Variants in RPS6KC1 observed in about 807,000 individuals in gnomAD.
RPS6KC1 encodes the protein ribosomal protein S6 kinase C1, also known as inactive ribosomal protein S6 kinase delta-1.
A neutral mutation model predicts 103.8 loss-of-function variants in RPS6KC1; 54 were observed. The ratio of observed to expected loss-of-function variants is 0.52; its 90% CI spans 0.42 to 0.65. The LOEUF (loss-of-function observed/expected upper bound fraction) is 0.65. RPS6KC1 is among the 30% of genes least tolerant of loss of function. The pLI is 0.00. For missense variants in RPS6KC1, 1,151 were observed against 1,253.8 expected (o/e 0.92, Z 1.24); for synonymous variants, 439 against 438.7 (o/e 1.00, Z -0.01).
At chr1:213,493,772 T>A in the RPS6KC1 span, among the ~76,000 whole-genome samples, 1 of 152,206 alleles carries the variant, frequency 6.6e-6, no homozygotes, top group African/African-American at 2.4e-5. Flanking sequence ...AGGAGGCACA[T>A]TGTATTTGAA....
At chr1:213,566,780 A>G in the RPS6KC1 span, among the ~76,000 whole-genome samples, 1 of 151,814 alleles carries the variant, frequency 6.6e-6, no homozygotes, top group African/African-American at 2.4e-5. Context: ...CTTTCTCAAT[A>G]TAATTGTCAT....
the RPS6KC1 span, among the ~76,000 whole-genome samples, chr1:213,329,903 G>A: frequency 6.6e-6 from 1 of 152,012 alleles, no homozygotes; most frequent in African/African-American, 2.4e-5. Flanking sequence ...GGAAGGAGCT[G>A]CTCTCTGAGC....
At chr1:213,799,199 A>T in the RPS6KC1 span, among the ~76,000 whole-genome samples, 3 of 152,202 alleles carry the variant, frequency 2.0e-5, no homozygotes, top group Non-Finnish European at 4.4e-5. Context: ...TTTTAAGAAG[A>T]CCTGTGTTCT....
the RPS6KC1 span, among the ~76,000 whole-genome samples, chr1:213,678,164 T>C: frequency 8.5e-5 from 13 of 152,214 alleles, no homozygotes; most frequent in South Asian, 2.1e-4. Context: ...TAATTTGGTG[T>C]TATTAATTGT....
the RPS6KC1 span, among the ~76,000 whole-genome samples, chr1:213,645,133 C>T: frequency 6.6e-6 from 1 of 152,128 alleles, no homozygotes. Context: ...TTTCTTCCCT[C>T]CTTCCTGTCT....
chr1:213,813,108 G>A, the RPS6KC1 span, among the ~76,000 whole-genome samples: 2 of 151,946 alleles, frequency 1.3e-5, no homozygotes, highest in Non-Finnish European at 2.9e-5. Context: ...AAAATTAGCT[G>A]GGTGTGGTGG....
the RPS6KC1 span, among the ~76,000 whole-genome samples, chr1:213,365,821 T>C: frequency 6.6e-6 from 1 of 152,376 alleles, no homozygotes; most frequent in East Asian, 1.9e-4. Context: ...GTGAGCCATA[T>C]GCACTCTGTC....
the RPS6KC1 span, among the ~76,000 whole-genome samples, chr1:213,404,955 G>A: frequency 6.6e-6 from 1 of 152,212 alleles, no homozygotes; most frequent in South Asian, 2.1e-4. Flanking sequence ...ATGGGGTGGG[G>A]ACAGATTGTG....
chr1:213,715,428 G>C, the RPS6KC1 span, among the ~76,000 whole-genome samples: 1 of 152,118 alleles, frequency 6.6e-6, no homozygotes, highest in Non-Finnish European at 1.5e-5. Flanking sequence ...CAGTTGAATG[G>C]GGATATAGTG....
chr1:213,811,686 G>T, the RPS6KC1 span, among the ~76,000 whole-genome samples: 1 of 152,188 alleles, frequency 6.6e-6, no homozygotes, highest in South Asian at 2.1e-4. Context: ...CTGGAGACAG[G>T]AAAGTTCCCT....
chr1:213,662,173 G>A, the RPS6KC1 span, among the ~76,000 whole-genome samples: 273 of 152,194 alleles, frequency 1.8e-3, 3 homozygotes, highest in African/African-American at 6.5e-3. Context: ...TGTGAGGAGG[G>A]TAAGGGATAA....
rs2079482452 is a variant in RPS6KC1, at chr1:213,077,794, A to G, written c.240A>G (p.Pro80=). The G allele has an allele frequency of 1.3e-6, 2 of 1,560,628 alleles. No individual in the cohort carries two copies. The highest frequency in any genetic ancestry group is 1.7e-6 in the Non-Finnish European group (2 of 1,148,296). ...NLFRHSELFP[P]FAKGIVFGRF... The stretch of plus-strand genomic sequence containing the variant: ...TCCGACATTCAGAGTTGTTTCCTCC[A>G]TTTGCTAAAGGAATAGTGTTTGGTA... The change falls in exon 3 of 15, where the codon CCA becomes CCG. Residue 80 remains proline, a synonymous_variant. Coordinates refer to ENST00000366960, the MANE Select transcript of RPS6KC1 (RefSeq NM_012424.6).
the RPS6KC1 span, among the ~76,000 whole-genome samples, chr1:213,425,286 T>A: frequency 6.6e-6 from 1 of 152,224 alleles, no homozygotes; most frequent in Non-Finnish European, 1.5e-5. Context: ...TCAATGTAAT[T>A]GATGTTGTAG....
chr1:213,498,941 A>G, the RPS6KC1 span, among the ~76,000 whole-genome samples: 38,352 of 150,826 alleles, frequency 0.25, 5,464 homozygotes, highest in Middle Eastern at 0.39. Flanking sequence ...TGCCACGCTC[A>G]GCTGATTTTT....
chr1:213,220,070 C>T (rs2093788538), intron 8 of RPS6KC1, among the ~76,000 whole-genome samples: 1 of 151,992 alleles, frequency 6.6e-6, no homozygotes, highest in African/African-American at 2.4e-5. Context: ...GAATTGAATT[C>T]AGATGGGATA....
At chr1:213,778,799 A>G in the RPS6KC1 span, among the ~76,000 whole-genome samples, 1 of 152,058 alleles carries the variant, frequency 6.6e-6, no homozygotes, top group Non-Finnish European at 1.5e-5. Flanking sequence ...TCCTGAGGGA[A>G]GGATCCTAAA....
chr1:213,431,909 C>A, the RPS6KC1 span, among the ~76,000 whole-genome samples: 2 of 152,136 alleles, frequency 1.3e-5, no homozygotes, highest in South Asian at 4.2e-4. Context: ...GTGGTTGTAC[C>A]AGTTGACAAC....
At chr1:213,780,771 TC>T in the RPS6KC1 span, among the ~76,000 whole-genome samples, 4 of 152,134 alleles carry the variant, frequency 2.6e-5, no homozygotes, top group Non-Finnish European at 4.4e-5. Context: ...TGCCTGTAAT[TC>T]CAACACTTTG....
the RPS6KC1 span, among the ~76,000 whole-genome samples, chr1:213,306,310 T>C: frequency 1.3e-5 from 2 of 152,304 alleles, no homozygotes; most frequent in African/African-American, 2.4e-5. Context: ...GCTGGACATA[T>C]TGGTAAGCAT....
Sources: allele counts gnomAD v4.1 joint callset (sites outside exome capture counted in the v4.1 genomes callset), GRCh38; gene constraint gnomAD v4.1.1; transcripts MANE v1.5; gene names NCBI Gene and HGNC (gene_info 2026-07-23, HGNC 2026-07-21).